HDAC4: variants seen among roughly 807,000 people sequenced by gnomAD.
HDAC4 encodes the protein histone deacetylase A.
In HDAC4, 16 loss-of-function variants were observed where a neutral mutation model predicts 135.1. The ratio of observed to expected loss-of-function variants is 0.12; its 90% CI spans 0.08 to 0.18. The LOEUF is 0.18. HDAC4 is among the 10% of genes least tolerant of loss of function. HDAC4 has a pLI of 1.00. For synonymous variants in HDAC4, 685 were observed against 653.4 expected (o/e 1.05, Z -0.74); for missense variants, 1,143 against 1,511.8 (o/e 0.76, Z 4.05).
chr2:239,065,556 CA>C (rs2033363630), intron 24 of HDAC4, among the ~76,000 whole-genome samples: 1 of 152,164 alleles, frequency 6.6e-6, no homozygotes, highest in Non-Finnish European at 1.5e-5. Flanking sequence ...CGCTGAGCAC[CA>C]GGACACCCCC....
intron 15 of HDAC4, among the ~76,000 whole-genome samples, chr2:239,106,475 G>A (rs1285132669): frequency 1.3e-5 from 2 of 152,108 alleles, no homozygotes; most frequent in African/African-American, 4.8e-5. Context: ...GGAGTTTCCT[G>A]CAGCCAGTGT....
At position 239,134,616 on chromosome 2, in the gene HDAC4, G is replaced by C. The variant is rs757172026; in HGVS notation, c.1006C>G (p.Arg336Gly). Residue 336 changes from arginine (R) to glycine (G), a missense_variant, in exon 10 of 27, where the codon CGA (arginine) becomes GGA (glycine). Coordinates refer to ENST00000543185, the MANE Select transcript of HDAC4 (RefSeq NM_001378414.1). Reference sequence around the variant, plus strand: ...GGAAGTGGAGCGGCCGAGCCTTCTCGTGCCACAAGTCTGTGCGCCAAACTC... The same window carrying C: ...GGAAGTGGAGCGGCCGAGCCTTCTCCTGCCACAAGTCTGTGCGCCAAACTC... ...ETSLAHRLVA[R>G]EGSAAPLPLY... 38 of 1,614,094 alleles carry C rather than the reference G, an allele frequency of 2.4e-5. No individual in the cohort carries two copies. Among genetic ancestry groups the C allele is most frequent in the Non-Finnish European group, 3.1e-5 (37 of 1,179,976 alleles).
intron 4 of HDAC4, among the ~76,000 whole-genome samples, chr2:239,189,339 G>A (rs896972720): frequency 6.6e-6 from 1 of 152,054 alleles, no homozygotes; most frequent in Admixed American, 6.5e-5. Flanking sequence ...TTTGTAGACA[G>A]TAAGTACCAA....
Position 239,144,304 on chromosome 2 carries a change from C to T in HDAC4, c.865+279G>A, listed in dbSNP as rs570504116. On this transcript the variant is annotated intron_variant, in intron 8 of 26. Transcript: ENST00000543185. ...AACTCAAGCTCCTGACTGCATCTCC[C>T]GCAGTGCCAAGCTGGGGCACCCTTG... Among the ~76,000 whole-genome samples the T allele has an allele frequency of 6.5e-4, 99 of 152,328 alleles. No homozygotes were observed. The Middle Eastern group carries it at 0.027, about 42-fold the overall frequency.
chr2:239,373,330 T>C (rs1694768345), intron 1 of HDAC4, among the ~76,000 whole-genome samples: 1 of 152,148 alleles, frequency 6.6e-6, no homozygotes, highest in Non-Finnish European at 1.5e-5. Flanking sequence ...GGCATCTCCC[T>C]GGGGGCTGGG....
Position 239,139,875 on chromosome 2 carries a change from G to T in HDAC4, c.866-79C>A. ...TGCTGACCTGTGGCCCGAATGCCCGGTGCCTTCCACGGACCTGCTCGTTAG... is the reference window on the plus strand; with the variant it reads ...TGCTGACCTGTGGCCCGAATGCCCGTTGCCTTCCACGGACCTGCTCGTTAG... On this transcript the variant is annotated intron_variant, in intron 8 of 26. Coordinates refer to ENST00000543185, the MANE Select transcript of HDAC4 (RefSeq NM_001378414.1). The surrounding 1 kb of genome is among the most constrained non-coding windows in gnomAD (Gnocchi z 5.3). The T allele has an allele frequency of 8.2e-7, 1 of 1,215,968 alleles. No homozygotes were observed. The highest frequency in any genetic ancestry group is 1.2e-6 in the Non-Finnish European group (1 of 824,618). The allele number at this position is 1,215,968 out of a possible 1,614,324, so 75.3% of individuals were successfully genotyped here.
intron 1 of HDAC4, among the ~76,000 whole-genome samples, 151 bp from the exon 2 acceptor site, chr2:239,353,069 T>C (rs1234368911): frequency 6.6e-6 from 1 of 152,126 alleles, no homozygotes; most frequent in Non-Finnish European, 1.5e-5. Context: ...GGTGGCACGA[T>C]CTGGGCTCAC....
chr2:239,052,951 G>A lies in HDAC4; in HGVS notation c.*146C>T. Reference sequence around the variant, plus strand: ...GACCTGTGGGCCTGGGCGGCAGAAAGGCTTCCCGTGGCTGTTGCACGCTGG... The same window carrying A: ...GACCTGTGGGCCTGGGCGGCAGAAAAGCTTCCCGTGGCTGTTGCACGCTGG... On this transcript the variant is annotated 3_prime_UTR_variant, in exon 27 of 27. Coordinates refer to ENST00000543185, the MANE Select transcript of HDAC4 (RefSeq NM_001378414.1). 1 of 920,798 alleles carries A rather than the reference G, an allele frequency of 1.1e-6. No homozygotes were observed. 57.0% of individuals were successfully genotyped at this position (920,798 alleles called of 1,614,324 possible).
intron 2 of HDAC4, among the ~76,000 whole-genome samples, chr2:239,276,484 C>G (rs2050372701): frequency 6.6e-6 from 1 of 152,222 alleles, no homozygotes; most frequent in South Asian, 2.1e-4. Flanking sequence ...CCAACTAGGC[C>G]AGAGATTGCT....
rs577560350 is a variant in HDAC4, at chr2:239,299,268, G to A, written c.22+53410C>T. ...CAACACATCCACTGCCAACATCAGA[G>A]TGAAAATGCCTCATGATTGGTCCAT... On this transcript the variant is annotated intron_variant, in intron 2 of 26. Coordinates refer to ENST00000543185, the MANE Select transcript of HDAC4 (RefSeq NM_001378414.1). The surrounding 1 kb of genome is among the most constrained non-coding windows in gnomAD (Gnocchi z 4.0). 1.1e-4 allele frequency among the ~76,000 whole-genome samples: 17 copies of A among 152,316 alleles called. No homozygotes were observed. Among genetic ancestry groups the A allele is most frequent in the South Asian group, 1.0e-3 (5 of 4,826 alleles).
intron 12 of HDAC4, among the ~76,000 whole-genome samples, chr2:239,119,645 G>T (rs575603467): frequency 2.6e-5 from 4 of 152,158 alleles, no homozygotes; most frequent in African/African-American, 9.6e-5. Context: ...GAGGGTGCGG[G>T]GACCAGACCT....
At chr2:239,132,858 C>T (rs1349445070) in intron 11 of HDAC4, among the ~76,000 whole-genome samples, 1 of 152,208 alleles carries the variant, frequency 6.6e-6, no homozygotes, top group East Asian at 1.9e-4. Flanking sequence ...TTTTTAAAGA[C>T]AGGCGAGAAA....
At chr2:239,074,308 G>A (rs911507458) in intron 22 of HDAC4, among the ~76,000 whole-genome samples, 7 of 152,246 alleles carry the variant, frequency 4.6e-5, no homozygotes, top group African/African-American at 1.4e-4. Flanking sequence ...TGTCCTTGGC[G>A]AGGCACTCTG....
intron 2 of HDAC4, among the ~76,000 whole-genome samples, chr2:239,290,606 C>T (rs1000573314): frequency 2.6e-5 from 4 of 152,082 alleles, no homozygotes; most frequent in African/African-American, 9.7e-5. Flanking sequence ...CACACAGGCA[C>T]GTGCGCACAA....
At chr2:239,098,320 TTGTC>T (rs1303474300) in intron 16 of HDAC4, among the ~76,000 whole-genome samples, 1 of 152,234 alleles carries the variant, frequency 6.6e-6, no homozygotes, top group East Asian at 1.9e-4. Flanking sequence ...GCCTTACTAC[TTGTC>T]TGTTTGCCGC....
Position 239,111,582 on chromosome 2 carries a change from G to A in HDAC4, c.1922C>T (p.Ser641Phe). 6.2e-7 allele frequency: 1 copy of A among 1,612,200 alleles called. No homozygotes were observed. Among genetic ancestry groups the A allele is most frequent in the Non-Finnish European group, 8.5e-7 (1 of 1,179,678 alleles). ...PLSRAQSSPA[S>F]ATFPVSVQEP... ...CTGCACAGACACGGGGAAGGTGGCA[G>A]ACGCGGGTGAGGACTGCGCCCGGGA... Residue 641 changes from serine to phenylalanine, a missense_variant, in exon 14 of 27, where the codon TCT (serine) becomes TTT (phenylalanine). This residue lies in a region of HDAC4 where 196 missense variants were observed against 210.7 expected (regional missense o/e 0.93). Coordinates refer to ENST00000543185, the MANE Select transcript of HDAC4 (RefSeq NM_001378414.1).
chr2:239,069,898 C>T (rs1460436806), intron 22 of HDAC4, among the ~76,000 whole-genome samples: 1 of 152,186 alleles, frequency 6.6e-6, no homozygotes, highest in Non-Finnish European at 1.5e-5. Flanking sequence ...TTCTGTAACC[C>T]CCATGGGACA....
At chr2:239,265,666 G>A (rs957059207) in intron 2 of HDAC4, among the ~76,000 whole-genome samples, 10 of 152,196 alleles carry the variant, frequency 6.6e-5, no homozygotes, top group Admixed American at 2.0e-4. Flanking sequence ...CACAGCGCCG[G>A]CACCAACACA....
At chr2:239,317,484 T>A (rs1323306211) in intron 2 of HDAC4, among the ~76,000 whole-genome samples, 1 of 151,576 alleles carries the variant, frequency 6.6e-6, no homozygotes, top group Non-Finnish European at 1.5e-5. Flanking sequence ...ATTTTGTGTA[T>A]CCAAGAGAGT....
Sources: gnomAD v4.1 joint callset for allele counts (sites outside exome capture counted in the v4.1 genomes callset) on GRCh38, gnomAD v4.1.1 for gene constraint, gnomAD v4.1.1 regional missense constraint, Gnocchi (gnomAD v3.1) non-coding constraint, MANE v1.5 for transcripts, NCBI Gene and HGNC (gene_info 2026-07-23, HGNC 2026-07-21) for gene names.